TXNDC16: variants seen among roughly 807,000 people sequenced by gnomAD.
The protein encoded by TXNDC16 is thioredoxin domain containing 16, also known as thioredoxin domain-containing protein 16.
In TXNDC16, 74 loss-of-function variants were observed where a neutral mutation model predicts 85.6. The ratio of observed to expected loss-of-function variants is 0.86; its 90% CI spans 0.72 to 1.05. The LOEUF is 1.05. Among genes scored for constraint, TXNDC16 ranks in the 50% least tolerant of loss-of-function variants. The pLI is 0.00. For missense variants in TXNDC16, 959 were observed against 947.0 expected (o/e 1.01, Z -0.17); for synonymous variants, 335 against 326.5 (o/e 1.03, Z -0.28).
chr14:52,456,107 T>A (rs981578033), intron 17 of TXNDC16, among the ~76,000 whole-genome samples: 2 of 152,240 alleles, frequency 1.3e-5, no homozygotes, highest in Non-Finnish European at 2.9e-5. Flanking sequence ...GAAAGCTTTG[T>A]GTAAAATTAC....
At chr14:52,446,078 C>CA (rs2140106555) in intron 18 of TXNDC16, among the ~76,000 whole-genome samples, 1 of 152,284 alleles carries the variant, frequency 6.6e-6, no homozygotes, top group East Asian at 1.9e-4. Flanking sequence ...ACTATCTACA[C>CA]AAAAAAGCAC....
At position 52,457,144 on chromosome 14, in the gene TXNDC16, T is replaced by C; in HGVS notation, c.1649A>G (p.Tyr550Cys). 1 of 1,591,234 alleles carries C rather than the reference T, an allele frequency of 6.3e-7. No individual in the cohort carries two copies. The change falls in exon 17 of 21, where the codon TAC becomes TGC. Residue 550 changes from tyrosine to cysteine, a missense_variant. Transcript: ENST00000281741. The stretch of plus-strand genomic sequence containing the variant: ...TCCAGTGATAACATATCCTTTTAGG[T>C]AGTTTCCTGCTTCACTAAAATCTTC... ...AKEDFSEAGN[Y>C]LKGYVITGIY...
intron 18 of TXNDC16, among the ~76,000 whole-genome samples, chr14:52,449,415 T>C (rs956003046): frequency 3.9e-5 from 6 of 152,074 alleles, no homozygotes; most frequent in African/African-American, 1.4e-4. Context: ...TGTAAATATA[T>C]ATGCACCCAA....
At chr14:52,449,625 C>G (rs933798497) in intron 18 of TXNDC16, among the ~76,000 whole-genome samples, 4 of 152,064 alleles carry the variant, frequency 2.6e-5, no homozygotes, top group African/African-American at 9.7e-5. Flanking sequence ...CAGAACATCT[C>G]ATTCAATGGC....
intron 18 of TXNDC16, among the ~76,000 whole-genome samples, chr14:52,445,361 AAG>A (rs940017070): frequency 2.6e-5 from 4 of 152,174 alleles, no homozygotes; most frequent in African/African-American, 9.6e-5. Context: ...AAGACACAAA[AAG>A]ACTTAATAAA....
At chr14:52,538,167 C>T (rs1001917181) in intron 4 of TXNDC16, among the ~76,000 whole-genome samples, 28 of 152,210 alleles carry the variant, frequency 1.8e-4, no homozygotes, top group Non-Finnish European at 4.1e-4. Context: ...GGAGGAGTCA[C>T]TGGGCTGAAA....
At chr14:52,517,270 C>T (rs956848804) in intron 7 of TXNDC16, among the ~76,000 whole-genome samples, 8 of 152,126 alleles carry the variant, frequency 5.3e-5, no homozygotes, top group African/African-American at 1.7e-4. Flanking sequence ...TAACTCAGTG[C>T]TCAGCCTGTT....
At chr14:52,483,318 A>G (rs182013386) in intron 12 of TXNDC16, among the ~76,000 whole-genome samples, 1 of 152,338 alleles carries the variant, frequency 6.6e-6, no homozygotes, top group Admixed American at 6.5e-5. Context: ...ACCACATGGA[A>G]CTTCTATCTA....
At chr14:52,515,109 T>A in intron 7 of TXNDC16, 139 bp from the exon 8 acceptor site, 1 of 513,226 alleles carries the variant, frequency 1.9e-6, no homozygotes, top group Non-Finnish European at 3.3e-6. Flanking sequence ...GGGATACTAG[T>A]TGGGAAAATG....
At chr14:52,447,314 G>T (rs777481349) in intron 18 of TXNDC16, among the ~76,000 whole-genome samples, 1 of 152,168 alleles carries the variant, frequency 6.6e-6, no homozygotes, top group African/African-American at 2.4e-5. Flanking sequence ...ATGGGGTGAG[G>T]CTCCTCTATC....
At chr14:52,464,134 TTTC>T (rs1278959490) in intron 16 of TXNDC16, among the ~76,000 whole-genome samples, 3 of 152,208 alleles carry the variant, frequency 2.0e-5, no homozygotes, top group African/African-American at 7.2e-5. Flanking sequence ...AAGTACACCA[TTTC>T]TTATGTTGAT....
At position 52,543,619 on chromosome 14, in the gene TXNDC16, C is replaced by G. The variant is rs2037882215; in HGVS notation, c.-62G>C. ...TTTTTTCACTGCTGTGTTCTGTTTC[C>G]TAAGACAACACCTGGCACAGAGAAG... On this transcript the variant is annotated 5_prime_UTR_variant, in exon 3 of 21. It removes the in-frame stop codon of an upstream open reading frame in the 5' UTR. Coordinates refer to ENST00000281741, the MANE Select transcript of TXNDC16 (RefSeq NM_020784.3). The G allele has an allele frequency of 2.5e-6, 4 of 1,569,118 alleles. No homozygotes were observed. Among genetic ancestry groups the G allele is most frequent in the Middle Eastern group, 1.7e-4 (1 of 5,962 alleles).
At chr14:52,546,761 A>T (rs1330615900) in intron 1 of TXNDC16, among the ~76,000 whole-genome samples, 1 of 152,238 alleles carries the variant, frequency 6.6e-6, no homozygotes, top group African/African-American at 2.4e-5. Flanking sequence ...TTTTCTCTTA[A>T]GCTGCATATA....
At chr14:52,440,794 T>A in intron 18 of TXNDC16, 70 bp from the exon 19 acceptor site, 1 of 1,379,192 alleles carries the variant, frequency 7.3e-7, no homozygotes, top group Non-Finnish European at 9.8e-7. Flanking sequence ...CAGAAGACAT[T>A]CAAATCACTC....
At chr14:52,543,104 A>G (rs1384717595) in intron 3 of TXNDC16, among the ~76,000 whole-genome samples, 1 of 152,158 alleles carries the variant, frequency 6.6e-6, no homozygotes, top group Non-Finnish European at 1.5e-5. Flanking sequence ...CTTATCTAGT[A>G]TTTACTATGA....
intron 4 of TXNDC16, among the ~76,000 whole-genome samples, chr14:52,542,119 T>A (rs913396850): frequency 6.6e-6 from 1 of 152,012 alleles, no homozygotes; most frequent in African/African-American, 2.4e-5. Context: ...ATGGGCCCAA[T>A]AGAATGGTTT....
At chr14:52,464,524 G>A (rs2035726785) in intron 16 of TXNDC16, among the ~76,000 whole-genome samples, 2 of 152,182 alleles carry the variant, frequency 1.3e-5, no homozygotes, top group Admixed American at 6.5e-5. Context: ...GGTACAGAGA[G>A]GACACTGTCA....
At position 52,439,209 on chromosome 14, in the gene TXNDC16, T is replaced by C. The variant is rs1378963288; in HGVS notation, c.2189A>G (p.His730Arg). The C allele has an allele frequency of 1.2e-6, 2 of 1,613,454 alleles. No homozygotes were observed. Among genetic ancestry groups the C allele is most frequent in the Non-Finnish European group, 1.7e-6 (2 of 1,179,744 alleles). The change falls in exon 20 of 21, where the codon CAT (histidine) becomes CGT (arginine). Residue 730 changes from histidine to arginine, a missense_variant. Physicochemically the swap from His to Arg is conservative, Grantham distance 29 (BLOSUM62 0). Coordinates refer to ENST00000281741, the MANE Select transcript of TXNDC16 (RefSeq NM_020784.3). ...LKKLEAGLEN[H>R]ITILPAQEWK... ...AAACAAAACAGAAAACTTACTGATA[T>C]GATTTTCTAGTCCTGCTTCTAATTT...
At chr14:52,464,593 A>C (rs542678294) in intron 16 of TXNDC16, among the ~76,000 whole-genome samples, 10 of 152,136 alleles carry the variant, frequency 6.6e-5, no homozygotes, top group Admixed American at 2.6e-4. Flanking sequence ...ACACAGACTT[A>C]CTTCCCAATT....
Sources: allele counts gnomAD v4.1 joint callset (sites outside exome capture counted in the v4.1 genomes callset), GRCh38; gene constraint gnomAD v4.1.1; transcripts MANE v1.5; gene names NCBI Gene and HGNC (gene_info 2026-07-23, HGNC 2026-07-21).